The following MCCC1 variants were observed in gnomAD, a reference collection of about 807,000 sequenced individuals.
The protein encoded by MCCC1 is methylcrotonoyl-CoA carboxylase subunit alpha, mitochondrial.
A neutral mutation model predicts 83.8 loss-of-function variants in MCCC1; 64 were observed. The ratio of observed to expected loss-of-function variants is 0.76; its 90% CI spans 0.62 to 0.94. MCCC1 has a LOEUF of 0.94. Ranked by LOEUF, MCCC1 falls within the 40% of genes least tolerant of loss-of-function variation. The pLI is 0.00. For synonymous variants in MCCC1, 322 were observed against 315.4 expected (o/e 1.02, Z -0.22); for missense variants, 807 against 904.7 (o/e 0.89, Z 1.39).
chr3:183,094,455 A>T, intron 2 of MCCC1, 104 bp downstream of exon 2: 3 of 1,113,010 alleles, frequency 2.7e-6, no homozygotes, highest in Non-Finnish European at 4.0e-6. Context: ...AAAATTTATG[A>T]TAACTAATTC....
At chr3:183,093,163 G>T (rs1376980647) in intron 2 of MCCC1, among the ~76,000 whole-genome samples, 6 of 152,060 alleles carry the variant, frequency 3.9e-5, no homozygotes, top group African/African-American at 1.4e-4. Context: ...CGAAGTGCTG[G>T]GATTACAGGT....
chr3:183,052,877 C>A (rs1404522175), intron 8 of MCCC1, among the ~76,000 whole-genome samples: 1 of 148,804 alleles, frequency 6.7e-6, no homozygotes, highest in Non-Finnish European at 1.5e-5. Flanking sequence ...GATAATACAA[C>A]TACGCTATTG....
At chr3:183,111,526 C>A (rs1220366799) in intron 1 of MCCC1, among the ~76,000 whole-genome samples, 2 of 152,190 alleles carry the variant, frequency 1.3e-5, no homozygotes, top group Admixed American at 1.3e-4. Flanking sequence ...TTTCGAACTC[C>A]TGACCTCAGG....
exon 1 of MCCC1, chr3:183,115,972 G>A (rs1271460237): frequency 1.3e-5 from 2 of 152,254 alleles, no homozygotes; most frequent in Admixed American, 1.3e-4. Context: ...GAGTGGGAGT[G>A]GGCTCGAGCA....
At chr3:183,063,913 G>A (rs986864130) in intron 7 of MCCC1, among the ~76,000 whole-genome samples, 7 of 152,298 alleles carry the variant, frequency 4.6e-5, no homozygotes, top group East Asian at 1.9e-4. Flanking sequence ...CAAAGGATAG[G>A]ATTGGGTTAC....
chr3:183,069,556 A>G (rs1716503870), intron 7 of MCCC1, among the ~76,000 whole-genome samples: 1 of 152,128 alleles, frequency 6.6e-6, no homozygotes, highest in South Asian at 2.1e-4. Context: ...GGCCTGAAAC[A>G]AAAAACAATT....
chr3:183,106,788 C>T (rs1430607501), intron 1 of MCCC1, among the ~76,000 whole-genome samples: 1 of 152,134 alleles, frequency 6.6e-6, no homozygotes, highest in Non-Finnish European at 1.5e-5. Context: ...TGAGTCACCA[C>T]GCCCAGCCCA....
Position 183,068,767 on chromosome 3 carries a change from T to G in MCCC1, c.761+2232A>C, listed in dbSNP as rs192618265. Among the ~76,000 whole-genome samples, 26 of 152,330 alleles carry G rather than the reference T, an allele frequency of 1.7e-4. 1 individual carries two copies. The East Asian group carries it at 4.8e-3, about 28-fold the overall frequency. On this transcript the variant is annotated intron_variant, in intron 7 of 18. Coordinates refer to ENST00000265594, the MANE Select transcript of MCCC1 (RefSeq NM_020166.5). ...GACATAATAGCACAATACATTACCT[T>G]TCCTATGTTTTGAGATGTTTAGATA...
In MCCC1 at chr3:183,037,385, T is replaced by A. The variant is rs1560219876; in HGVS notation, c.1427A>T (p.His476Leu). Residue 476 changes from histidine to leucine, a missense_variant, in exon 13 of 19, where the codon CAC (histidine) becomes CTC (leucine). By Grantham distance (99) the His-to-Leu change is moderately conservative (BLOSUM62 -3). Coordinates refer to ENST00000265594, the MANE Select transcript of MCCC1 (RefSeq NM_020166.5). ...CACGTTCCCAGCTTCAAACTCTGGG[T>A]GGCCAGACAGGTTGAGTAAGAAGTC... ...NIDFLLNLSGHPEFEAGNVHT... is the reference protein window; with the variant it reads ...NIDFLLNLSGLPEFEAGNVHT... 6.2e-7 allele frequency: 1 copy of A among 1,614,136 alleles called. No individual in the cohort carries two copies. Among genetic ancestry groups the A allele is most frequent in the Middle Eastern group, 1.6e-4 (1 of 6,062 alleles).
At chr3:183,098,844 A>C (rs1577375138) in intron 1 of MCCC1, 1 of 169,434 alleles carries the variant, frequency 5.9e-6, no homozygotes, top group Non-Finnish European at 1.3e-5. Context: ...TAACAATGAG[A>C]AGGAACTCCA....
Position 183,098,987 on chromosome 3 carries a change from A to G in MCCC1, c.89+365T>C, listed in dbSNP as rs114313900. On this transcript the variant is annotated intron_variant, in intron 1 of 18. Transcript: ENST00000265594. ...CGTTGATCCCTTTGGGCTTCCCCGG[A>G]ACCGGATTATAACAACGCTCCCACC... 5.0e-3 allele frequency: 1,922 copies of G among 386,170 alleles called. 31 individuals are homozygous for G. Among genetic ancestry groups the G allele is most frequent in the African/African-American group, 0.036 (1,786 of 49,062 alleles). 23.9% of individuals were successfully genotyped at this position (386,170 alleles called of 1,614,324 possible). A position where few individuals can be genotyped will look rare whatever the true frequency, so the allele number is the denominator to read the frequency against.
At chr3:183,040,554 T>TATAAA (rs1284266165) in intron 11 of MCCC1, among the ~76,000 whole-genome samples, 1 of 11,154 alleles carries the variant, frequency 9.0e-5, no homozygotes, top group Non-Finnish European at 2.1e-4. Context: ...CTACTAAAAA[T>TATAAA]ACAAAAAAAA....
At chr3:183,030,524 A>G (rs1577253183) in intron 14 of MCCC1, among the ~76,000 whole-genome samples, 1 of 152,206 alleles carries the variant, frequency 6.6e-6, no homozygotes, top group African/African-American at 2.4e-5. Flanking sequence ...CTGAACATTT[A>G]GCCTTCTGCA....
intron 14 of MCCC1, among the ~76,000 whole-genome samples, chr3:183,031,354 G>T (rs899068272): frequency 3.9e-5 from 6 of 152,124 alleles, no homozygotes; most frequent in African/African-American, 1.4e-4. Flanking sequence ...TTGAGTTTAG[G>T]CAGGGTTCTG....
intron 4 of MCCC1, among the ~76,000 whole-genome samples, chr3:183,076,368 T>C (rs1717074705): frequency 6.6e-6 from 1 of 152,188 alleles, no homozygotes; most frequent in Non-Finnish European, 1.5e-5. Context: ...CAGTAGCTCA[T>C]TTCTTTTTAT....
chr3:183,057,180 G>T, intron 8 of MCCC1, 131 bp downstream of exon 8: 1 of 754,866 alleles, frequency 1.3e-6, no homozygotes, highest in Non-Finnish European at 2.3e-6. Flanking sequence ...TCACTACACT[G>T]CTATTAGGCA....
At chr3:183,034,570 T>C (rs939905302) in intron 13 of MCCC1, among the ~76,000 whole-genome samples, 4 of 152,106 alleles carry the variant, frequency 2.6e-5, no homozygotes, top group African/African-American at 7.2e-5. Flanking sequence ...TGAAATTTCA[T>C]GTGAAAAATT....
chr3:183,082,419 C>T lies in MCCC1; in HGVS notation c.369+4274G>A, dbSNP rs544343341. 2.6e-5 allele frequency among the ~76,000 whole-genome samples: 4 copies of T among 152,278 alleles called. No individual in the cohort carries two copies. The East Asian group carries it at 5.8e-4, about 22-fold the overall frequency. On this transcript the variant is annotated intron_variant, in intron 4 of 18. Transcript: ENST00000265594. ...ACTGAGGGGACTGAAGTATAATACA[C>T]ATATAGAAAAGCACATTTGCCCTAA... is the stretch of plus-strand genomic sequence containing the variant.
chr3:183,020,340 T>C, intron 16 of MCCC1, 103 bp from the exon 17 acceptor site: 1 of 982,688 alleles, frequency 1.0e-6, no homozygotes, highest in Non-Finnish European at 1.6e-6. Context: ...TGTTAAATAT[T>C]AGTCATCATG....
Sources: allele counts gnomAD v4.1 joint callset (sites outside exome capture counted in the v4.1 genomes callset), GRCh38; gene constraint gnomAD v4.1.1; transcripts MANE v1.5; gene names NCBI Gene and HGNC (gene_info 2026-07-23, HGNC 2026-07-21).